Variants in SLC22A25 observed in about 807,000 individuals in gnomAD.
SLC22A25 encodes MGI:2442751, MGI:2385316, MGI:3042283, MGI:3645714, MGI:3605624, MGI:2442750.
Under a neutral mutation model 45.9 loss-of-function variants are expected in SLC22A25, and 44 were observed. The ratio of observed to expected loss-of-function variants is 0.96; its 90% CI spans 0.75 to 1.23. The LOEUF is 1.23. Among genes scored for constraint, SLC22A25 ranks in the 50% most tolerant of loss-of-function variants. The probability of loss-of-function intolerance (pLI) is 0.00; values close to 1 mark genes in which losing one functional copy is unlikely to be tolerated. For missense variants in SLC22A25, 800 were observed against 666.4 expected, an observed-to-expected ratio of 1.20 and a Z score of -2.21; for synonymous variants, 283 against 238.6, an observed-to-expected ratio of 1.19 and a Z score of -1.72.
At chr11:63,205,348 C>A (rs555721838) in intron 7 of SLC22A25, among the ~76,000 whole-genome samples, 27 of 151,930 alleles carry the variant, frequency 1.8e-4, no homozygotes, top group African/African-American at 5.3e-4. Context: ...GAAAACCCTT[C>A]AAAAAATCAA....
At chr11:63,220,832 A>T (rs992602349) in intron 5 of SLC22A25, among the ~76,000 whole-genome samples, 1 of 152,018 alleles carries the variant, frequency 6.6e-6, no homozygotes, top group African/African-American at 2.4e-5. Flanking sequence ...CATGAGTTTA[A>T]TTGTTTTAGT....
At chr11:63,183,452 AT>A (rs1351287324) in intron 8 of SLC22A25, among the ~76,000 whole-genome samples, 1 of 152,116 alleles carries the variant, frequency 6.6e-6, no homozygotes, top group Non-Finnish European at 1.5e-5. Flanking sequence ...CAAAATTTGC[AT>A]TGTTAACACT....
chr11:63,231,173 G>C (rs564005233), intron 3 of SLC22A25, among the ~76,000 whole-genome samples: 3 of 152,164 alleles, frequency 2.0e-5, no homozygotes, highest in African/African-American at 7.2e-5. Context: ...CTCAGTAATG[G>C]GATGGCTGGG....
intron 7 of SLC22A25, among the ~76,000 whole-genome samples, chr11:63,199,798 C>A (rs563645741): frequency 6.7e-6 from 1 of 148,406 alleles, no homozygotes; most frequent in South Asian, 2.2e-4. Flanking sequence ...AATCAATAGG[C>A]GACGTCCGAG....
chr11:63,177,844 TATATATAATGTATATATATA>T (rs1415896307), intron 9 of SLC22A25, among the ~76,000 whole-genome samples: 4,819 of 22,742 alleles, frequency 0.21, 429 homozygotes, highest in African/African-American at 0.41. Flanking sequence ...AATGTGTATA[TATATATAATGTATATATATA>T]ATATATATAA....
chr11:63,236,444 T>C (rs1165175958), intron 3 of SLC22A25, among the ~76,000 whole-genome samples: 1 of 152,132 alleles, frequency 6.6e-6, no homozygotes, highest in Non-Finnish European at 1.5e-5. Flanking sequence ...CTCCAAGCCA[T>C]GTGTGGGATA....
At chr11:63,239,359 T>C (rs959664278) in intron 1 of SLC22A25, among the ~76,000 whole-genome samples, 1 of 152,178 alleles carries the variant, frequency 6.6e-6, no homozygotes, top group Admixed American at 6.5e-5. Context: ...ACTCCAACAG[T>C]TGTCAATGAA....
At chr11:63,188,499 C>A (rs868713947) in intron 7 of SLC22A25, among the ~76,000 whole-genome samples, 3 of 152,172 alleles carry the variant, frequency 2.0e-5, no homozygotes, top group African/African-American at 7.2e-5. Flanking sequence ...AAAACCAGCT[C>A]CTGGATTCAT....
At chr11:63,239,566 A>T (rs375659836) in intron 1 of SLC22A25, among the ~76,000 whole-genome samples, 1 of 152,256 alleles carries the variant, frequency 6.6e-6, no homozygotes, top group East Asian at 1.9e-4. Context: ...AAGTACTGAA[A>T]GTAAGTGCTT....
intron 8 of SLC22A25, among the ~76,000 whole-genome samples, chr11:63,183,386 G>A (rs146212946): frequency 6.8e-4 from 103 of 152,152 alleles, no homozygotes; most frequent in African/African-American, 2.2e-3. Flanking sequence ...TAATAACTGG[G>A]AAGTAATGAA....
chr11:63,230,185 A>G (rs1158752572), intron 3 of SLC22A25, among the ~76,000 whole-genome samples, 89 bp from the exon 4 acceptor site: 1 of 152,234 alleles, frequency 6.6e-6, no homozygotes, highest in Non-Finnish European at 1.5e-5. Context: ...TTGAATTAAA[A>G]TGAGTAATAT....
chr11:63,221,950 A>AT (rs1256698972), intron 5 of SLC22A25, among the ~76,000 whole-genome samples: 2 of 151,540 alleles, frequency 1.3e-5, no homozygotes, highest in Non-Finnish European at 2.9e-5. Context: ...AGATGTATGG[A>AT]TTTTTTTCTG....
Position 63,166,497 on chromosome 11 carries a change from GTTTA to G in SLC22A25, c.1071-243_1071-240del, listed in dbSNP as rs528179912. ...TGTTGTATGGAGGATGTGCTATGGG[GTTTA>G]TTTATTTATTTTAAAAGCAATGGAT... is the stretch of plus-strand genomic sequence containing the variant. On this transcript the variant is annotated intron_variant, in intron 9 of 11. Coordinates refer to ENST00000306494, the MANE Select transcript of SLC22A25 (RefSeq NM_199352.6). 1.8e-3 allele frequency: 2,232 copies of G among 1,249,600 alleles called. 4 individuals are homozygous for G. Among genetic ancestry groups the G allele is most frequent in the Non-Finnish European group, 1.9e-3 (1,885 of 995,920 alleles). 77.4% of individuals were successfully genotyped at this position (1,249,600 alleles called of 1,614,324 possible).
At chr11:63,188,752 T>C (rs1021806687) in intron 7 of SLC22A25, among the ~76,000 whole-genome samples, 20 of 152,244 alleles carry the variant, frequency 1.3e-4, no homozygotes, top group African/African-American at 4.6e-4. Flanking sequence ...TGTGTCTTTG[T>C]TCTCGTTGGC....
intron 7 of SLC22A25, among the ~76,000 whole-genome samples, chr11:63,210,755 C>G (rs1189916654): frequency 1.3e-5 from 2 of 152,116 alleles, no homozygotes; most frequent in African/African-American, 4.8e-5. Flanking sequence ...TTAGCCCCTC[C>G]ACGAAGAACT....
chr11:63,205,373 G>GT (rs1317851482), intron 7 of SLC22A25, among the ~76,000 whole-genome samples: 3 of 151,892 alleles, frequency 2.0e-5, no homozygotes, highest in African/African-American at 7.3e-5. Context: ...TCCAGCAGCT[G>GT]TTTTTTGAAA....
chr11:63,197,109 C>T (rs1355369132), intron 7 of SLC22A25, among the ~76,000 whole-genome samples: 1 of 152,032 alleles, frequency 6.6e-6, no homozygotes, highest in Admixed American at 6.6e-5. Context: ...TAAAAGAGGA[C>T]ACAAACAAAT....
intron 3 of SLC22A25, among the ~76,000 whole-genome samples, chr11:63,236,758 A>G (rs1467880321): frequency 6.6e-6 from 1 of 152,088 alleles, no homozygotes; most frequent in Non-Finnish European, 1.5e-5. Context: ...TGACCCTGGG[A>G]GCTGTAGACT....
intron 9 of SLC22A25, among the ~76,000 whole-genome samples, chr11:63,178,200 C>G (rs950558293): frequency 6.6e-6 from 1 of 151,882 alleles, no homozygotes; most frequent in Non-Finnish European, 1.5e-5. Flanking sequence ...CAATATACCC[C>G]ATTTTCTTTA....
Sources: allele counts gnomAD v4.1 joint callset (sites outside exome capture counted in the v4.1 genomes callset), GRCh38; gene constraint gnomAD v4.1.1; transcripts MANE v1.5; gene names NCBI Gene and HGNC (gene_info 2026-07-23, HGNC 2026-07-21).